AKAP13: variants seen among roughly 807,000 people sequenced by gnomAD.
AKAP13 encodes the protein A-kinase anchoring protein 13.
In AKAP13, 80 loss-of-function variants were observed where a neutral mutation model predicts 264.5. The ratio of observed to expected loss-of-function variants is 0.30; its 90% CI spans 0.25 to 0.36. AKAP13 has a LOEUF of 0.36. Ranked by LOEUF, AKAP13 falls within the 10% of genes least tolerant of loss-of-function variation. The pLI is 1.00. For missense variants in AKAP13, 3,712 were observed against 3,435.2 expected (o/e 1.08, Z -2.01); for synonymous variants, 1,380 against 1,250.2 (o/e 1.10, Z -2.19).
intron 5 of AKAP13, among the ~76,000 whole-genome samples, chr15:85,548,979 T>C (rs1157729838): frequency 6.7e-6 from 1 of 150,206 alleles, no homozygotes; most frequent in East Asian, 2.0e-4. Context: ...AAATAAACAA[T>C]TCATGTAGAG....
intron 7 of AKAP13, among the ~76,000 whole-genome samples, chr15:85,584,313 C>T (rs536781915): frequency 1.9e-4 from 29 of 152,146 alleles, no homozygotes; most frequent in Non-Finnish European, 3.5e-4. Context: ...CAGAGGCTGC[C>T]GACACCCGTC....
At chr15:85,554,520 T>C (rs1210675614) in intron 5 of AKAP13, among the ~76,000 whole-genome samples, 1 of 152,140 alleles carries the variant, frequency 6.6e-6, no homozygotes, top group East Asian at 1.9e-4. Context: ...GGAGGGTAAA[T>C]TGTGGTAGGT....
At chr15:85,399,527 A>AAAAAAAAAAAAAAAAAAAAT (rs1567038675) in intron 1 of AKAP13, among the ~76,000 whole-genome samples, 1 of 114,732 alleles carries the variant, frequency 8.7e-6, no homozygotes, top group African/African-American at 3.6e-5. Flanking sequence ...AAAAAATAAA[A>AAAAAAAAAAAAAAAAAAAAT]AAATAAAAAA....
At chr15:85,520,647 G>A (rs779122406) in intron 2 of AKAP13, 1 of 518,908 alleles carries the variant, frequency 1.9e-6, no homozygotes, top group South Asian at 1.4e-5. Flanking sequence ...GAGTAGGAAT[G>A]TCAGATGGTC....
rs760113840 is a variant in AKAP13 at position 85,579,836 on chromosome 15, C to A, written c.1768C>A (p.Pro590Thr). The A allele has an allele frequency of 6.8e-6, 11 of 1,614,032 alleles. No homozygotes were observed. In the African/African-American group the frequency reaches 1.5e-4, roughly 22 times the overall value. Reference protein sequence around the residue: ...APVDQNSVVIPAAAKDKISDG... With the variant: ...APVDQNSVVITAAAKDKISDG... ...AGTAGATCAGAATTCTGTGGTGATT[C>A]CAGCTGCTGCAAAAGACAAGATTTC... is the stretch of plus-strand genomic sequence containing the variant. Residue 590 changes from proline (P) to threonine (T), a missense_variant, in exon 7 of 37, where the codon CCA becomes ACA. Around this residue, in one of 3 missense-constraint regions of AKAP13, gnomAD observed 2,759 missense variants for 2,411.7 expected, o/e 1.14. Coordinates refer to ENST00000394518, the MANE Select transcript of AKAP13 (RefSeq NM_007200.5).
chr15:85,716,785 A>G (rs143802741), intron 20 of AKAP13, among the ~76,000 whole-genome samples: 37 of 152,294 alleles, frequency 2.4e-4, no homozygotes, highest in African/African-American at 8.4e-4. Flanking sequence ...TAAAGTTTGT[A>G]TGCATTGTAA....
rs769930926 is a variant in AKAP13 at position 85,735,578 on chromosome 15, G to A, written c.7460G>A (p.Gly2487Glu). Reference protein sequence around the residue: ...NASKGGEKEEGDDGQDLRRTE... With the variant: ...NASKGGEKEEEDDGQDLRRTE... ...TGTTTAGGAGGCGAGAAGGAAGAGGGAGATGATGGCCAAGATCTTAGGAGA... is the reference window on the plus strand; with the variant it reads ...TGTTTAGGAGGCGAGAAGGAAGAGGAAGATGATGGCCAAGATCTTAGGAGA... The change falls in exon 32 of 37, where the codon GGA becomes GAA. Residue 2487 changes from glycine (G) to glutamate (E), a missense_variant. Physicochemically the swap from Gly to Glu is moderately conservative, Grantham distance 98 (BLOSUM62 -2). Transcript: ENST00000394518. 1 of 1,612,206 alleles carries A rather than the reference G, an allele frequency of 6.2e-7. No homozygotes were observed. Among genetic ancestry groups the A allele is most frequent in the Non-Finnish European group, 8.5e-7 (1 of 1,179,444 alleles).
intron 9 of AKAP13, among the ~76,000 whole-genome samples, chr15:85,640,739 G>A (rs2082270269): frequency 6.6e-6 from 1 of 152,132 alleles, no homozygotes; most frequent in Admixed American, 6.5e-5. Context: ...TTCTAAAAGT[G>A]TAATTAAAAC....
chr15:85,741,040 T>A lies in AKAP13; in HGVS notation c.7609-6T>A. 6.2e-7 allele frequency: 1 copy of A among 1,600,010 alleles called. No individual in the cohort carries two copies. The highest frequency in any genetic ancestry group is 2.2e-5 in the East Asian group (1 of 44,752). On this transcript the variant is annotated splice_region_variant and splice_polypyrimidine_tract_variant and intron_variant, in intron 34 of 36. Coordinates refer to ENST00000394518, the MANE Select transcript of AKAP13 (RefSeq NM_007200.5). ...GTTGCAGGGCTCCCCTCTGTGTGCC[T>A]CCCAGGGTGTGGTGCTGCAGCAGGA...
At chr15:85,493,991 C>G (rs1057057062) in intron 2 of AKAP13, among the ~76,000 whole-genome samples, 9 of 152,208 alleles carry the variant, frequency 5.9e-5, no homozygotes, top group African/African-American at 1.9e-4. Flanking sequence ...CACCTATATT[C>G]AAGGGTACAC....
chr15:85,618,025 C>T (rs12900016), intron 8 of AKAP13, among the ~76,000 whole-genome samples: 68,669 of 152,092 alleles, frequency 0.45, 15,799 homozygotes, highest in East Asian at 0.59. Context: ...ACTTGGGGCA[C>T]GAGAAGGGGA....
Position 85,579,873 on chromosome 15 carries a change from A to G in AKAP13, c.1805A>G (p.Glu602Gly), listed in dbSNP as rs1269425456. 1 of 1,614,196 alleles carries G rather than the reference A, an allele frequency of 6.2e-7. No homozygotes were observed. The highest frequency in any genetic ancestry group is 8.5e-7 in the Non-Finnish European group (1 of 1,180,042). ...AAKDKISDGL[E>G]PYTLLAAGIG... Reference sequence around the variant, plus strand: ...AAAGACAAGATTTCAGATGGATTAGAACCTTATACTCTCTTAGCAGCAGGC... The same window carrying G: ...AAAGACAAGATTTCAGATGGATTAGGACCTTATACTCTCTTAGCAGCAGGC... Residue 602 changes from glutamate to glycine, a missense_variant, in exon 7 of 37, where the codon GAA becomes GGA. Physicochemically the swap from Glu to Gly is moderately conservative, Grantham distance 98 (BLOSUM62 -2). Coordinates refer to ENST00000394518, the MANE Select transcript of AKAP13 (RefSeq NM_007200.5).
At chr15:85,600,579 C>T (rs900242294) in intron 8 of AKAP13, among the ~76,000 whole-genome samples, 4 of 152,172 alleles carry the variant, frequency 2.6e-5, no homozygotes, top group Non-Finnish European at 4.4e-5. Context: ...TAAATATTGA[C>T]ATCCATTTTC....
chr15:85,460,352 C>G (rs1022237075), intron 1 of AKAP13, among the ~76,000 whole-genome samples: 2 of 152,156 alleles, frequency 1.3e-5, no homozygotes, highest in African/African-American at 4.8e-5. Flanking sequence ...ATACAGCTCG[C>G]CCTGCATTTT....
intron 1 of AKAP13, among the ~76,000 whole-genome samples, chr15:85,428,240 C>A (rs2072882268): frequency 6.6e-6 from 1 of 152,164 alleles, no homozygotes; most frequent in Non-Finnish European, 1.5e-5. Context: ...GCTCTTGTTG[C>A]CCAGGCTGGA....
At chr15:85,437,138 A>C (rs1297958374) in intron 1 of AKAP13, among the ~76,000 whole-genome samples, 1 of 148,240 alleles carries the variant, frequency 6.7e-6, no homozygotes, top group East Asian at 2.0e-4. Context: ...TAAAGGGGAT[A>C]TCACCACCGA....
At chr15:85,609,790 T>C (rs182115047) in intron 8 of AKAP13, among the ~76,000 whole-genome samples, 1 of 152,330 alleles carries the variant, frequency 6.6e-6, no homozygotes, top group Non-Finnish European at 1.5e-5. Flanking sequence ...TTAACATCTT[T>C]ACCTTCACTC....
intron 4 of AKAP13, among the ~76,000 whole-genome samples, chr15:85,539,678 G>A (rs1023185503): frequency 8.5e-5 from 13 of 152,150 alleles, no homozygotes; most frequent in Admixed American, 2.6e-4. Flanking sequence ...GAGGGAAGGT[G>A]TGTGACAGGT....
intron 14 of AKAP13, chr15:85,677,056 C>T: frequency 1.0e-6 from 1 of 985,452 alleles, no homozygotes; most frequent in Non-Finnish European, 1.2e-6. Context: ...TCTCTTTTCT[C>T]TTGGCTCTTC....
Sources: gnomAD v4.1 joint callset for allele counts (sites outside exome capture counted in the v4.1 genomes callset) on GRCh38, gnomAD v4.1.1 for gene constraint, gnomAD v4.1.1 regional missense constraint, MANE v1.5 for transcripts, NCBI Gene and HGNC (gene_info 2026-07-23, HGNC 2026-07-21) for gene names.